Variants in PHYHIPL observed in about 807,000 individuals in gnomAD.
PHYHIPL encodes the protein phytanoyl-CoA 2-hydroxylase interacting protein like.
A neutral mutation model predicts 33.4 loss-of-function variants in PHYHIPL; 9 were observed. The observed-to-expected ratio is 0.27, with a 90% CI of 0.16 to 0.47. The LOEUF is 0.47. Among genes scored for constraint, PHYHIPL ranks in the 20% least tolerant of loss-of-function variants. PHYHIPL has a pLI of 0.99. For missense variants in PHYHIPL, 365 were observed against 460.7 expected (o/e 0.79, Z 1.90); for synonymous variants, 153 against 154.1 (o/e 0.99, Z 0.05).
At chr10:59,177,992 T>C (rs1248239553) in intron 1 of PHYHIPL, among the ~76,000 whole-genome samples, 3 of 152,216 alleles carry the variant, frequency 2.0e-5, no homozygotes, top group Admixed American at 1.3e-4. Context: ...AACATGTCTT[T>C]AACCAAAGTT....
chr10:59,177,419 C>G, intron 1 of PHYHIPL: 3 of 1,456,706 alleles, frequency 2.1e-6, no homozygotes, highest in South Asian at 1.4e-5. Context: ...TTTAAACCTC[C>G]CATCCTCAGA....
intron 1 of PHYHIPL, among the ~76,000 whole-genome samples, chr10:59,200,105 T>A (rs1306172202): frequency 1.3e-5 from 2 of 151,906 alleles, no homozygotes; most frequent in African/African-American, 4.8e-5. Context: ...TGAATAGGAG[T>A]GGTGAGAGAG....
chr10:59,195,023 C>A (rs555061481), intron 1 of PHYHIPL, among the ~76,000 whole-genome samples: 38 of 151,584 alleles, frequency 2.5e-4, no homozygotes, highest in Admixed American at 5.9e-4. Context: ...AAAAAATGAC[C>A]CCTGAGAAAG....
chr10:59,236,959 A>G (rs1023668463), intron 3 of PHYHIPL, among the ~76,000 whole-genome samples: 1 of 150,482 alleles, frequency 6.6e-6, no homozygotes, highest in Non-Finnish European at 1.5e-5. Flanking sequence ...ACTCAGCATA[A>G]TTTTTTAGCT....
intron 1 of PHYHIPL, among the ~76,000 whole-genome samples, chr10:59,199,776 C>T (rs1422568870): frequency 2.0e-5 from 3 of 152,128 alleles, no homozygotes; most frequent in Non-Finnish European, 2.9e-5. Flanking sequence ...CTTCACATCC[C>T]TTGTAAGTTG....
At chr10:59,242,855 T>C (rs147740059) in intron 4 of PHYHIPL, among the ~76,000 whole-genome samples, 137 of 152,040 alleles carry the variant, frequency 9.0e-4, no homozygotes, top group African/African-American at 3.0e-3. Flanking sequence ...ATTACGCAAA[T>C]TGAACAACAG....
chr10:59,208,477 G>A (rs529104284), intron 1 of PHYHIPL, among the ~76,000 whole-genome samples: 73 of 152,108 alleles, frequency 4.8e-4, no homozygotes, highest in Middle Eastern at 3.4e-3. Flanking sequence ...AAAAACCAGC[G>A]CAAAAAGGCT....
intron 1 of PHYHIPL, among the ~76,000 whole-genome samples, chr10:59,207,443 G>A (rs1839318199): frequency 1.3e-5 from 2 of 152,180 alleles, no homozygotes; most frequent in Non-Finnish European, 2.9e-5. Flanking sequence ...CAAACCAGGA[G>A]ATTCCCTCAG....
intron 1 of PHYHIPL, among the ~76,000 whole-genome samples, chr10:59,225,114 C>A (rs368442400): frequency 4.9e-4 from 27 of 54,920 alleles, no homozygotes; most frequent in African/African-American, 1.1e-3. Flanking sequence ...ATCAAACTAT[C>A]CCCTCCATAA....
intron 1 of PHYHIPL, among the ~76,000 whole-genome samples, chr10:59,203,966 G>A (rs889771691): frequency 2.0e-5 from 3 of 152,062 alleles, no homozygotes; most frequent in African/African-American, 7.2e-5. Flanking sequence ...TTAGATGCAT[G>A]TATAAGGGTT....
At chr10:59,185,843 T>G (rs1838582286) in intron 1 of PHYHIPL, among the ~76,000 whole-genome samples, 1 of 152,220 alleles carries the variant, frequency 6.6e-6, no homozygotes. Flanking sequence ...TTGTTTGAGT[T>G]CATTGTAGAT....
intron 4 of PHYHIPL, 160 bp downstream of exon 4, chr10:59,238,865 G>C: frequency 1.9e-6 from 1 of 523,992 alleles, no homozygotes; most frequent in African/African-American, 1.9e-5. Flanking sequence ...AGTAGAAAAA[G>C]ATCATGGGAT....
intron 1 of PHYHIPL, among the ~76,000 whole-genome samples, chr10:59,209,363 C>T (rs1411569409): frequency 1.3e-5 from 2 of 152,082 alleles, no homozygotes; most frequent in Non-Finnish European, 2.9e-5. Context: ...AAATTCTTTA[C>T]AGAGAAGCAA....
chr10:59,185,598 A>G (rs7084967), intron 1 of PHYHIPL, among the ~76,000 whole-genome samples: 3 of 151,948 alleles, frequency 2.0e-5, no homozygotes, highest in African/African-American at 7.3e-5. Flanking sequence ...AAAAGTGTTC[A>G]TATTTCTCCA....
chr10:59,243,155 A>C (rs1220924644), intron 4 of PHYHIPL, among the ~76,000 whole-genome samples: 1 of 152,082 alleles, frequency 6.6e-6, no homozygotes, highest in Non-Finnish European at 1.5e-5. Context: ...GAAAGTGGTG[A>C]GATACAAGAC....
At chr10:59,220,962 T>G (rs2133258016) in intron 1 of PHYHIPL, among the ~76,000 whole-genome samples, 1 of 152,194 alleles carries the variant, frequency 6.6e-6, no homozygotes, top group East Asian at 1.9e-4. Flanking sequence ...AAATAAGTGC[T>G]TAATAAATGT....
chr10:59,220,368 T>C (rs1589284023), intron 1 of PHYHIPL, among the ~76,000 whole-genome samples: 1 of 152,068 alleles, frequency 6.6e-6, no homozygotes, highest in Non-Finnish European at 1.5e-5. Context: ...GTGAGACATA[T>C]TGGACCAGAA....
intron 1 of PHYHIPL, among the ~76,000 whole-genome samples, chr10:59,193,486 T>C (rs1773049874): frequency 6.6e-6 from 1 of 152,180 alleles, no homozygotes; most frequent in South Asian, 2.1e-4. Context: ...AATTAAAATC[T>C]TCAGCAAATC....
intron 1 of PHYHIPL, chr10:59,183,548 G>A (rs1838472564): frequency 2.2e-6 from 1 of 453,070 alleles, no homozygotes; most frequent in East Asian, 1.6e-4. Context: ...AATGTGCTTT[G>A]TATCTCACCC....
Sources: gnomAD v4.1 joint callset for allele counts (sites outside exome capture counted in the v4.1 genomes callset) on GRCh38, gnomAD v4.1.1 for gene constraint, MANE v1.5 for transcripts, NCBI Gene and HGNC (gene_info 2026-07-23, HGNC 2026-07-21) for gene names.